Variants in FSHR observed in about 807,000 individuals in gnomAD.
FSHR encodes follicle-stimulating hormone receptor.
In FSHR, 46 loss-of-function variants were observed where a neutral mutation model predicts 52.1. The observed-to-expected ratio is 0.88, with a 90% CI of 0.70 to 1.13. The LOEUF (loss-of-function observed/expected upper bound fraction) is 1.13. FSHR is among the 50% of genes most tolerant of loss of function. FSHR has a pLI of 0.00. For missense variants in FSHR, 964 were observed against 834.6 expected, an observed-to-expected ratio of 1.16 and a Z score of -1.91; for synonymous variants, 399 against 309.6, an observed-to-expected ratio of 1.29 and a Z score of -3.03.
intron 2 of FSHR, among the ~76,000 whole-genome samples, chr2:49,024,909 T>A (rs1667868000): frequency 6.6e-6 from 1 of 152,250 alleles, no homozygotes; most frequent in Non-Finnish European, 1.5e-5. Context: ...CCTCTGTTAC[T>A]GCCCCTTGCA....
chr2:48,995,400 C>A (rs944278231), intron 4 of FSHR, among the ~76,000 whole-genome samples: 2 of 151,972 alleles, frequency 1.3e-5, no homozygotes, highest in East Asian at 1.9e-4. Context: ...GGAAAAAAGT[C>A]AAGTATCTTA....
At chr2:49,129,969 A>C (rs562290734) in intron 1 of FSHR, among the ~76,000 whole-genome samples, 4 of 152,118 alleles carry the variant, frequency 2.6e-5, no homozygotes, top group Non-Finnish European at 4.4e-5. Context: ...AATTTCCTTA[A>C]CATGTTTTAT....
At chr2:49,010,703 A>G (rs1231117540) in intron 4 of FSHR, among the ~76,000 whole-genome samples, 1 of 151,992 alleles carries the variant, frequency 6.6e-6, no homozygotes, top group African/African-American at 2.4e-5. Context: ...CCACAATTTC[A>G]GATCCTGTTA....
chr2:49,107,435 G>A (rs1328287395), intron 1 of FSHR, among the ~76,000 whole-genome samples: 3 of 152,014 alleles, frequency 2.0e-5, no homozygotes, highest in Non-Finnish European at 4.4e-5. Flanking sequence ...TGACCTGGCT[G>A]TTTCACTCTG....
At chr2:49,055,450 A>G (rs1184930321) in intron 2 of FSHR, among the ~76,000 whole-genome samples, 1 of 150,442 alleles carries the variant, frequency 6.6e-6, no homozygotes, top group Non-Finnish European at 1.5e-5. Flanking sequence ...AGGAAAAGGC[A>G]TAGAAAGCAT....
At chr2:49,142,732 C>T (rs1416767201) in intron 1 of FSHR, among the ~76,000 whole-genome samples, 3 of 152,078 alleles carry the variant, frequency 2.0e-5, no homozygotes, top group Non-Finnish European at 2.9e-5. Flanking sequence ...ATTGCAGTAG[C>T]CCAGGTGAGG....
chr2:49,008,146 T>G (rs1427024156), intron 4 of FSHR, among the ~76,000 whole-genome samples: 1 of 134,060 alleles, frequency 7.5e-6, no homozygotes, highest in Non-Finnish European at 1.6e-5. Context: ...CATCTAGCAT[T>G]AGGTATATCT....
chr2:49,051,776 C>A (rs1022975651), intron 2 of FSHR, among the ~76,000 whole-genome samples: 1 of 147,492 alleles, frequency 6.8e-6, no homozygotes, highest in South Asian at 2.1e-4. Context: ...CTTTGCCTAT[C>A]CCCTGATTGT....
chr2:49,098,531 C>A (rs1670909325), intron 1 of FSHR, among the ~76,000 whole-genome samples: 1 of 151,866 alleles, frequency 6.6e-6, no homozygotes, highest in Non-Finnish European at 1.5e-5. Flanking sequence ...TGGGAGGTGG[C>A]AGCCACTATA....
chr2:49,146,391 G>A (rs190766548), intron 1 of FSHR, among the ~76,000 whole-genome samples: 78 of 152,118 alleles, frequency 5.1e-4, no homozygotes, highest in African/African-American at 1.8e-3. Flanking sequence ...GAGAATTCAG[G>A]AGGGATGCAG....
chr2:49,000,765 T>C (rs977326846), intron 4 of FSHR, among the ~76,000 whole-genome samples: 2 of 152,178 alleles, frequency 1.3e-5, no homozygotes, highest in Middle Eastern at 3.4e-3. Flanking sequence ...AGAAAGACCA[T>C]GTGGAAAGTT....
At chr2:48,993,971 C>T (rs1427843181) in intron 4 of FSHR, among the ~76,000 whole-genome samples, 1 of 152,174 alleles carries the variant, frequency 6.6e-6, no homozygotes, top group Non-Finnish European at 1.5e-5. Context: ...CTCCTCAAAA[C>T]TCTGAGCCAT....
intron 8 of FSHR, among the ~76,000 whole-genome samples, chr2:48,969,649 C>T (rs1014640400): frequency 6.6e-6 from 1 of 152,172 alleles, no homozygotes; most frequent in South Asian, 2.1e-4. Context: ...TAGTGTCTGG[C>T]AACTATTCTT....
At chr2:49,069,735 T>C (rs1558422932) in intron 1 of FSHR, among the ~76,000 whole-genome samples, 1 of 152,174 alleles carries the variant, frequency 6.6e-6, no homozygotes. Context: ...AAAATGTTTA[T>C]AATAAGAATA....
Position 48,983,186 on chromosome 2 carries a change from A to G in FSHR, c.525-20T>C. On this transcript the variant is annotated intron_variant, in intron 6 of 9. Transcript: ENST00000406846. The stretch of plus-strand genomic sequence containing the variant: ...AGCCATCTGAAATAAAAGGCCTATT[A>G]AAAAACCAATAATGTCAGATGCAAA... 6.2e-7 allele frequency: 1 copy of G among 1,609,028 alleles called. No homozygotes were observed. The highest frequency in any genetic ancestry group is 8.5e-7 in the Non-Finnish European group (1 of 1,175,530).
Position 49,093,595 on chromosome 2 carries a change from C to CCTTTTTTT in FSHR, c.153-25306_153-25305insAAAAAAAG, listed in dbSNP as rs1553344384. On this transcript the variant is annotated intron_variant, in intron 1 of 9. Coordinates refer to ENST00000406846, the MANE Select transcript of FSHR (RefSeq NM_000145.4). Reference sequence around the variant, plus strand: ...AGCCTTTCTAAAACATTATATTTATCTTTTTTTTTTTTTTTTTGAGACGGA... The same window carrying CCTTTTTTT: ...AGCCTTTCTAAAACATTATATTTATCCTTTTTTTTTTTTTTTTTTTTTTTTGAGACGGA... 3.8e-5 allele frequency among the ~76,000 whole-genome samples: 5 copies of CCTTTTTTT among 132,944 alleles called. 1 individual carries two copies. The allele number at this position is 132,944 out of a possible 152,430, so 87.2% of individuals were successfully genotyped here. A position where few individuals can be genotyped will look rare whatever the true frequency, so the allele number is the denominator to read the frequency against.
chr2:48,999,274 C>T (rs1363746426), intron 4 of FSHR, among the ~76,000 whole-genome samples: 1 of 62,540 alleles, frequency 1.6e-5, no homozygotes, highest in Non-Finnish European at 3.7e-5. Context: ...TATTCCTCTC[C>T]ACTACCTTGG....
At chr2:49,082,147 T>G (rs1318592399) in intron 1 of FSHR, among the ~76,000 whole-genome samples, 1 of 152,216 alleles carries the variant, frequency 6.6e-6, no homozygotes, top group African/African-American at 2.4e-5. Flanking sequence ...AGCACGCAGC[T>G]GGAGATCTGA....
intron 1 of FSHR, among the ~76,000 whole-genome samples, chr2:49,075,224 G>A (rs537931717): frequency 6.2e-4 from 95 of 152,252 alleles, no homozygotes; most frequent in African/African-American, 2.3e-3. Context: ...TGTTTGAGAT[G>A]ATGGGTATGC....
Sources: allele counts gnomAD v4.1 joint callset (sites outside exome capture counted in the v4.1 genomes callset), GRCh38; gene constraint gnomAD v4.1.1; transcripts MANE v1.5; gene names NCBI Gene and HGNC (gene_info 2026-07-23, HGNC 2026-07-21).